The following EVC2 variants were observed in gnomAD, a reference collection of about 807,000 sequenced individuals.
The protein encoded by EVC2 is limbin.
A neutral mutation model predicts 149.3 loss-of-function variants in EVC2; 148 were observed. The observed-to-expected ratio is 0.99, with a 90% CI of 0.87 to 1.14. The LOEUF is 1.14. Ranked by LOEUF, EVC2 falls within the 50% of genes most tolerant of loss-of-function variation. EVC2 has a pLI of 0.00. For missense variants in EVC2, 1,854 were observed against 1,627.3 expected (o/e 1.14, Z -2.40); for synonymous variants, 776 against 649.9 (o/e 1.19, Z -2.95).
rs1715394201 is a variant in EVC2, at chr4:5,618,087, C to T, written c.2706+391G>A. Among the ~76,000 whole-genome samples, 1 of 152,202 alleles carries T rather than the reference C, an allele frequency of 6.6e-6. No individual in the cohort carries two copies. Among genetic ancestry groups the T allele is most frequent in the Admixed American group, 6.5e-5 (1 of 15,278 alleles). Reference sequence around the variant, plus strand: ...ACCTGAGTTGAGATGAGCATCCCTCCTCTATGCCATATAGAAAGGCCTTTT... The same window carrying T: ...ACCTGAGTTGAGATGAGCATCCCTCTTCTATGCCATATAGAAAGGCCTTTT... On this transcript the variant is annotated intron_variant, in intron 15 of 21. Coordinates refer to ENST00000344408, the MANE Select transcript of EVC2 (RefSeq NM_147127.5). This position sits in a 1 kb window ranked among gnomAD's most constrained non-coding sequence, Gnocchi z 4.4.
chr4:5,629,197 T>G (rs2108847863), intron 11 of EVC2, among the ~76,000 whole-genome samples: 1 of 152,348 alleles, frequency 6.6e-6, no homozygotes, highest in East Asian at 1.9e-4. Context: ...AGGTTTTTCC[T>G]CAGCCTACAA....
At chr4:5,630,433 C>G (rs899535853) in intron 11 of EVC2, among the ~76,000 whole-genome samples, 2 of 152,158 alleles carry the variant, frequency 1.3e-5, no homozygotes, top group Admixed American at 1.3e-4. Context: ...AATGGAGTAA[C>G]AGAGGCTGGT....
Position 5,625,974 on chromosome 4 carries a change from G to A in EVC2, c.1887-66C>T. ...ACTCACCTGTAGCTTAACTGCTATT[G>A]TGCCTGAACATTCATCTCCATATTA... On this transcript the variant is annotated intron_variant, in intron 12 of 21. Transcript: ENST00000344408. This position sits in a 1 kb window ranked among gnomAD's most constrained non-coding sequence, Gnocchi z 4.0. 6.3e-7 allele frequency: 1 copy of A among 1,585,876 alleles called. No homozygotes were observed. Among genetic ancestry groups the A allele is most frequent in the Non-Finnish European group, 8.6e-7 (1 of 1,158,078 alleles).
At chr4:5,693,571 C>T (rs11947637) in intron 3 of EVC2, among the ~76,000 whole-genome samples, 14,595 of 152,314 alleles carry the variant, frequency 0.096, 846 homozygotes, top group East Asian at 0.18. Context: ...GCCCCACCAG[C>T]ACCGGGCTTC....
chr4:5,628,780 T>G (rs769356038), intron 11 of EVC2, 46 bp from the exon 12 acceptor site: 1 of 1,550,244 alleles, frequency 6.5e-7, no homozygotes, highest in East Asian at 2.2e-5. Context: ...AATTAAAATT[T>G]AGAGCATAAT....
intron 17 of EVC2, among the ~76,000 whole-genome samples, chr4:5,580,223 A>C (rs1711632305): frequency 3.3e-5 from 5 of 152,240 alleles, no homozygotes; most frequent in Admixed American, 6.5e-5. Context: ...GCAGAATGCA[A>C]GTCTAATATC....
downstream of EVC2, among the ~76,000 whole-genome samples, chr4:5,558,517 T>C (rs1368511671): frequency 1.3e-5 from 2 of 152,238 alleles, no homozygotes; most frequent in East Asian, 1.9e-4. Flanking sequence ...TATTATACAA[T>C]CATTTTAACA....
At chr4:5,553,837 A>G (rs1470716265) in intron 21 of EVC2, among the ~76,000 whole-genome samples, 1 of 152,182 alleles carries the variant, frequency 6.6e-6, no homozygotes, top group African/African-American at 2.4e-5. Context: ...AAAATCCAGC[A>G]CCCAATAATG....
intron 4 of EVC2, among the ~76,000 whole-genome samples, chr4:5,690,126 T>C (rs1721012451): frequency 6.6e-6 from 1 of 152,244 alleles, no homozygotes; most frequent in Admixed American, 6.5e-5. Context: ...CATCTATGTA[T>C]ACATGCATGT....
At chr4:5,532,920 G>C in the EVC2 span, among the ~76,000 whole-genome samples, 581 of 151,682 alleles carry the variant, frequency 3.8e-3, 2 homozygotes, top group African/African-American at 0.012. Flanking sequence ...CCCATACTCA[G>C]TACCCTGATA....
At chr4:5,638,364 G>A (rs888944645) in intron 10 of EVC2, among the ~76,000 whole-genome samples, 5 of 151,810 alleles carry the variant, frequency 3.3e-5, no homozygotes, top group African/African-American at 1.2e-4. Flanking sequence ...ACTGCGATCT[G>A]GGTGACAGAG....
intron 21 of EVC2, among the ~76,000 whole-genome samples, chr4:5,548,966 CTTCCTTCTTTCT>C (rs1412970698): frequency 2.5e-4 from 6 of 24,482 alleles, no homozygotes; most frequent in African/African-American, 3.2e-4. Flanking sequence ...TCCTTCCTTC[CTTCCTTCTTTCT>C]TTCTTTCTTC....
In EVC2 at chr4:5,625,307, TACACAC is replaced by T. The variant is rs71171407; in HGVS notation, c.2046+436_2046+441del. Among the ~76,000 whole-genome samples the T allele has an allele frequency of 0.031, 4,286 of 139,764 alleles. 172 individuals are homozygous for T. The highest frequency in any genetic ancestry group is 0.096 in the African/African-American group (3,688 of 38,608). The allele number at this position is 139,764 out of a possible 152,430, so 91.7% of individuals were successfully genotyped here. On this transcript the variant is annotated intron_variant, in intron 13 of 21. Transcript: ENST00000344408. The surrounding 1 kb of genome is among the most constrained non-coding windows in gnomAD (Gnocchi z 4.0). Reference sequence around the variant, plus strand: ...CTTACTAGATATTTGACCTTGACCATACACACACACACACACACACACACACACACA... The same window carrying T: ...CTTACTAGATATTTGACCTTGACCATACACACACACACACACACACACACA...
chr4:5,579,505 A>C (rs998254064), intron 17 of EVC2, among the ~76,000 whole-genome samples: 4 of 152,168 alleles, frequency 2.6e-5, no homozygotes, highest in African/African-American at 9.7e-5. Flanking sequence ...GAATCAACAG[A>C]TGGTGGCCAG....
chr4:5,580,734 C>T (rs1711684127), intron 17 of EVC2, among the ~76,000 whole-genome samples: 1 of 151,960 alleles, frequency 6.6e-6, no homozygotes, highest in Admixed American at 6.6e-5. Context: ...GTGGAGGTTT[C>T]CTCCTGTTAT....
In EVC2 at chr4:5,625,655, G is replaced by C. The variant is rs558779643; in HGVS notation, c.2046+94C>G. 9 of 1,541,710 alleles carry C rather than the reference G, an allele frequency of 5.8e-6. No homozygotes were observed. The South Asian group carries it at 1.0e-4, about 18-fold the overall frequency. ...CTGCCCAGCTGCCCTTCTGATCCTA[G>C]TTCACCAATGGCAATGTCTGGCACA... On this transcript the variant is annotated intron_variant, in intron 13 of 21. Transcript: ENST00000344408. The surrounding 1 kb of genome is among the most constrained non-coding windows in gnomAD (Gnocchi z 4.0).
intron 4 of EVC2, among the ~76,000 whole-genome samples, chr4:5,690,706 G>T (rs1458057912): frequency 6.6e-6 from 1 of 152,178 alleles, no homozygotes; most frequent in African/African-American, 2.4e-5. Context: ...GGGAGAGACA[G>T]CCGGAAGCTC....
chr4:5,539,418 C>T (rs556692272), downstream of EVC2, among the ~76,000 whole-genome samples: 18 of 152,160 alleles, frequency 1.2e-4, no homozygotes, highest in African/African-American at 3.9e-4. Flanking sequence ...ATATTTTGGT[C>T]AGAATTGAGA....
chr4:5,543,734 CA>C (rs1721560719), intron 21 of EVC2, among the ~76,000 whole-genome samples: 1 of 152,094 alleles, frequency 6.6e-6, no homozygotes, highest in Non-Finnish European at 1.5e-5. Context: ...GGTAAGAGGT[CA>C]GGGGAACCGG....
Sources: gnomAD v4.1 joint callset for allele counts (sites outside exome capture counted in the v4.1 genomes callset) on GRCh38, gnomAD v4.1.1 for gene constraint, Gnocchi (gnomAD v3.1) non-coding constraint, MANE v1.5 for transcripts, NCBI Gene and HGNC (gene_info 2026-07-23, HGNC 2026-07-21) for gene names.